Variants in GJA5 observed in about 807,000 individuals in gnomAD.
The protein encoded by GJA5 is gap junction alpha-5 protein.
Under a neutral mutation model 7.9 loss-of-function variants are expected in GJA5, and 3 were observed. The observed-to-expected ratio is 0.38, with a 90% CI of 0.17 to 0.99. The LOEUF (loss-of-function observed/expected upper bound fraction) is 0.99. Among genes scored for constraint, GJA5 ranks in the 50% least tolerant of loss-of-function variants. The pLI is 0.38. For synonymous variants in GJA5, 193 were observed against 181.0 expected, an observed-to-expected ratio of 1.07 and a Z score of -0.53; for missense variants, 390 against 457.9, an observed-to-expected ratio of 0.85 and a Z score of 1.35.
intron 1 of GJA5, among the ~76,000 whole-genome samples, chr1:147,769,739 A>G (rs1304659545): frequency 6.6e-6 from 1 of 152,056 alleles, no homozygotes; most frequent in Non-Finnish European, 1.5e-5. Flanking sequence ...TTGTCTACAA[A>G]TTAGTTATCT....
chr1:147,759,055 G>A lies in GJA5; in HGVS notation c.184C>T (p.Gln62Ter). The A allele has an allele frequency of 6.2e-7, 1 of 1,613,746 alleles. No individual in the cohort carries two copies. The highest frequency in any genetic ancestry group is 8.5e-7 in the Non-Finnish European group (1 of 1,179,800). ...AAAGCCTGGTCGTAGCAGACATTCT[G>A]GCAGCCAGGCTGAATCGTATCACAC... ...FRCDTIQPGC[Q>*]NVCYDQAFPI... The change falls in exon 2 of 2, where the codon CAG (glutamine) becomes TAG (stop). Residue 62 changes from glutamine to a stop codon, truncating the protein, a stop_gained. Transcript: ENST00000579774. LOFTEE classifies it high-confidence loss of function.
chr1:147,769,793 G>A (rs1277788990), intron 1 of GJA5, among the ~76,000 whole-genome samples: 2 of 152,036 alleles, frequency 1.3e-5, no homozygotes, highest in African/African-American at 2.4e-5. Flanking sequence ...GAGAATCAGG[G>A]AGGTGTAGGG....
Position 147,757,867 on chromosome 1 carries a change from C to G in GJA5, c.*295G>C, listed in dbSNP as rs375048257. 4.5e-6 allele frequency: 2 copies of G among 444,668 alleles called. No individual in the cohort carries two copies. Among genetic ancestry groups the G allele is most frequent in the African/African-American group, 2.0e-5 (1 of 50,512 alleles). The allele number at this position is 444,668 out of a possible 1,614,324, so 27.5% of individuals were successfully genotyped here. A position where few individuals can be genotyped will look rare whatever the true frequency, so the allele number is the denominator to read the frequency against. ...CCTCTGGCTATCCCTTCCAGGCCAGCTTTTGCCATGCTTCCCTTCTTTCCC... is the reference window on the plus strand; with the variant it reads ...CCTCTGGCTATCCCTTCCAGGCCAGGTTTTGCCATGCTTCCCTTCTTTCCC... On this transcript the variant is annotated 3_prime_UTR_variant, in exon 2 of 2. Coordinates refer to ENST00000579774, the MANE Select transcript of GJA5 (RefSeq NM_181703.4).
intron 1 of GJA5, among the ~76,000 whole-genome samples, chr1:147,768,534 T>C (rs2148964509): frequency 6.6e-6 from 1 of 152,366 alleles, no homozygotes; most frequent in East Asian, 1.9e-4. Context: ...ATGAAAATTA[T>C]AATACCCACA....
rs2148959258 is a variant in GJA5, at chr1:147,758,884, C to A, written c.355G>T (p.Gly119Cys). Residue 119 changes from glycine to cysteine, a missense_variant, in exon 2 of 2, where the codon GGC becomes TGC. By Grantham distance (159) the Gly-to-Cys change is radical. Around this residue, in one of 2 missense-constraint regions of GJA5, gnomAD observed 354 missense variants for 370.9 expected, o/e 0.95. Coordinates refer to ENST00000579774, the MANE Select transcript of GJA5 (RefSeq NM_181703.4). ...ACCGGGTACTCGTAAGAGCCAGAGC[C>A]CCGGACCTCTTTGGCCCTCTCGGCC... ...REAERAKEVR[G>C]SGSYEYPVAE... 6.2e-7 allele frequency: 1 copy of A among 1,614,234 alleles called. No individual in the cohort carries two copies. The highest frequency in any genetic ancestry group is 8.5e-7 in the Non-Finnish European group (1 of 1,180,036).
chr1:147,768,085 A>G (rs1664273401), intron 1 of GJA5, among the ~76,000 whole-genome samples: 1 of 152,210 alleles, frequency 6.6e-6, no homozygotes, highest in Admixed American at 6.5e-5. Flanking sequence ...CTTCCTCAGA[A>G]TTAGAAGTCC....
intron 1 of GJA5, among the ~76,000 whole-genome samples, chr1:147,766,702 A>G (rs1664216867): frequency 6.6e-6 from 1 of 152,222 alleles, no homozygotes; most frequent in Admixed American, 6.5e-5. Context: ...ACCACTCCAC[A>G]GAGTCTGAGT....
rs781923934 is a variant in GJA5 at position 147,759,285 on chromosome 1, A to G, written c.-33-14T>C. On this transcript the variant is annotated splice_polypyrimidine_tract_variant and intron_variant, in intron 1 of 1. Transcript: ENST00000579774. ...ATGCCAAAACTTCTGCAAATGGGAGAGAGAGAAAGAGAGAAAAGAAGAAGG... is the reference window on the plus strand; with the variant it reads ...ATGCCAAAACTTCTGCAAATGGGAGGGAGAGAAAGAGAGAAAAGAAGAAGG... The G allele has an allele frequency of 8.6e-6, 10 of 1,158,734 alleles. No individual in the cohort carries two copies. The highest frequency in any genetic ancestry group is 1.5e-5 in the African/African-American group (1 of 66,438). The allele number at this position is 1,158,734 out of a possible 1,614,324, so 71.8% of individuals were successfully genotyped here.
rs908886720 is a variant in GJA5, at chr1:147,760,584, T to C, written c.-119A>G. On this transcript the variant is annotated 5_prime_UTR_variant, in exon 1 of 2. Coordinates refer to ENST00000579774, the MANE Select transcript of GJA5 (RefSeq NM_181703.4). ...AGGGACTGTTTGAAAATGGAGACTG[T>C]CTTTTCTTCTGTATCACCAGAGCCT... is the stretch of plus-strand genomic sequence containing the variant. The C allele has an allele frequency of 6.6e-6, 1 of 152,374 alleles. No individual in the cohort carries two copies. Among genetic ancestry groups the C allele is most frequent in the Non-Finnish European group, 1.5e-5 (1 of 68,174 alleles). The allele number at this position is 152,374 out of a possible 1,614,324, so 9.4% of individuals were successfully genotyped here. A position where few individuals can be genotyped will look rare whatever the true frequency, so the allele number is the denominator to read the frequency against.
At chr1:147,767,561 T>G (rs1421173834) in intron 1 of GJA5, among the ~76,000 whole-genome samples, 3,751 of 62,868 alleles carry the variant, frequency 0.06, 237 homozygotes, top group African/African-American at 0.21. Context: ...CTAATTTTTG[T>G]TATTTTTTTT....
intron 1 of GJA5, among the ~76,000 whole-genome samples, chr1:147,766,715 A>G (rs1195774047): frequency 6.6e-6 from 1 of 152,202 alleles, no homozygotes; most frequent in Non-Finnish European, 1.5e-5. Context: ...GTCTGAGTCT[A>G]ATTCTGGACA....
Position 147,758,516 on chromosome 1 carries a change from C to G in GJA5, c.723G>C (p.Pro241=). The change falls in exon 2 of 2, where the codon CCG becomes CCC. Residue 241 remains proline, a synonymous_variant. Coordinates refer to ENST00000579774, the MANE Select transcript of GJA5 (RefSeq NM_181703.4). The stretch of plus-strand genomic sequence containing the variant: ...GCTGGCACTTAGCCATGTGCTGCCG[C>G]GGTTTGACAAATCGCTGTCTGATCT... The part of the protein sequence containing the change: ...WKKIRQRFVK[P]RQHMAKCQLS... The G allele has an allele frequency of 6.2e-7, 1 of 1,613,990 alleles. No individual in the cohort carries two copies. The highest frequency in any genetic ancestry group is 2.2e-5 in the East Asian group (1 of 44,880).
In GJA5 at chr1:147,760,493, A is replaced by G. The variant is rs587651482; in HGVS notation, c.-34+6T>C. On this transcript the variant is annotated splice_donor_region_variant and intron_variant, in intron 1 of 1. Coordinates refer to ENST00000579774, the MANE Select transcript of GJA5 (RefSeq NM_181703.4). ...CAGCTCCTGTGATGGCCCCCGGGAC[A>G]CTTACTCGTCTCCCAGTGCTTGCTG... 3 of 152,414 alleles carry G rather than the reference A, an allele frequency of 2.0e-5. No individual in the cohort carries two copies. Among genetic ancestry groups the G allele is most frequent in the African/African-American group, 7.2e-5 (3 of 41,540 alleles). 9.4% of individuals were successfully genotyped at this position (152,414 alleles called of 1,614,324 possible).
chr1:147,758,423 C>T lies in GJA5; in HGVS notation c.816G>A (p.Glu272=). The change falls in exon 2 of 2, where the codon GAG becomes GAA. Residue 272 remains glutamate, a synonymous_variant. Transcript: ENST00000579774. ...TPPPDFNQCL[E]NGPGGKFFNP... The stretch of plus-strand genomic sequence containing the variant: ...TGAAGAATTTTCCCCCAGGGCCATT[C>T]TCCAGGCACTGATTAAAGTCGGGGG... 6.2e-7 allele frequency: 1 copy of T among 1,614,172 alleles called. No individual in the cohort carries two copies. Among genetic ancestry groups the T allele is most frequent in the East Asian group, 2.2e-5 (1 of 44,876 alleles).
At chr1:147,759,833 C>T (rs979194902) in intron 1 of GJA5, among the ~76,000 whole-genome samples, 4 of 152,110 alleles carry the variant, frequency 2.6e-5, no homozygotes, top group Non-Finnish European at 5.9e-5. Flanking sequence ...GAAAATCATT[C>T]CACAACTGTT....
chr1:147,758,012 C>G lies in GJA5; in HGVS notation c.*150G>C. On this transcript the variant is annotated 3_prime_UTR_variant, in exon 2 of 2. Coordinates refer to ENST00000579774, the MANE Select transcript of GJA5 (RefSeq NM_181703.4). ...TATCCCAGAGCCCTGGTTATAGTTT[C>G]TAGAATTAATGAGCAACGTCATTGA... 1.5e-6 allele frequency: 1 copy of G among 670,036 alleles called. No individual in the cohort carries two copies. The highest frequency in any genetic ancestry group is 2.6e-6 in the Non-Finnish European group (1 of 378,310). The allele number at this position is 670,036 out of a possible 1,614,324, so 41.5% of individuals were successfully genotyped here. A position where few individuals can be genotyped will look rare whatever the true frequency, so the allele number is the denominator to read the frequency against.
rs781854955 is a variant in GJA5, at chr1:147,758,543, C to T, written c.696G>A (p.Lys232=). Residue 232 remains lysine, a synonymous_variant, in exon 2 of 2, where the codon AAG becomes AAA. Transcript: ENST00000579774. The part of the protein sequence containing the change: ...SLAELYHLGW[K]KIRQRFVKPR... ...GTTTGACAAATCGCTGTCTGATCTT[C>T]TTCCAGCCCAGGTGGTAGAGTTCAG... The T allele has an allele frequency of 3.7e-6, 6 of 1,613,744 alleles. No homozygotes were observed. The highest frequency in any genetic ancestry group is 1.3e-5 in the African/African-American group (1 of 75,048).
intron 1 of GJA5, among the ~76,000 whole-genome samples, chr1:147,768,832 A>G (rs999559199): frequency 6.6e-6 from 1 of 152,236 alleles, no homozygotes; most frequent in East Asian, 1.9e-4. Flanking sequence ...AAGTGCCACA[A>G]CTGGCAAATG....
rs1478986341 is a variant in GJA5, at chr1:147,756,454, C to G, written c.*1708G>C. 6.6e-6 allele frequency: 1 copy of G among 152,248 alleles called. No homozygotes were observed. Among genetic ancestry groups the G allele is most frequent in the Non-Finnish European group, 1.5e-5 (1 of 68,062 alleles). The allele number at this position is 152,248 out of a possible 1,614,324, so 9.4% of individuals were successfully genotyped here. A position where few individuals can be genotyped will look rare whatever the true frequency, so the allele number is the denominator to read the frequency against. On this transcript the variant is annotated 3_prime_UTR_variant, in exon 2 of 2. Coordinates refer to ENST00000579774, the MANE Select transcript of GJA5 (RefSeq NM_181703.4). ...CTAGTCACTTTCCTCCACCTCTCCA[C>G]TCTCATTTATCTTTCCACCCAACAA...
Sources: allele counts gnomAD v4.1 joint callset (sites outside exome capture counted in the v4.1 genomes callset), GRCh38; gene constraint gnomAD v4.1.1; regional missense constraint gnomAD v4.1.1; transcripts MANE v1.5; gene names NCBI Gene and HGNC (gene_info 2026-07-23, HGNC 2026-07-21).